Variants in MTPN observed in about 807,000 individuals in gnomAD.
MTPN encodes the protein granule cell differentiation protein.
In MTPN, 2 loss-of-function variants were observed where a neutral mutation model predicts 13.5. The observed-to-expected ratio is 0.15, with a 90% CI of 0.06 to 0.47. The LOEUF is 0.47. Ranked by LOEUF, MTPN falls within the 20% of genes least tolerant of loss-of-function variation. MTPN has a pLI of 0.97. For synonymous variants in MTPN, 46 were observed against 51.7 expected (o/e 0.89, Z 0.48); for missense variants, 79 against 137.9 (o/e 0.57, Z 2.14).
intron 1 of MTPN, among the ~76,000 whole-genome samples, chr7:135,955,425 T>C (rs140216683): frequency 1.3e-3 from 202 of 152,242 alleles, no homozygotes; most frequent in Non-Finnish European, 2.4e-3. Flanking sequence ...GTGCCAATAT[T>C]GGACAACAGA....
chr7:135,930,436 T>C (rs1377517051), intron 3 of MTPN, among the ~76,000 whole-genome samples: 6 of 152,218 alleles, frequency 3.9e-5, no homozygotes, highest in African/African-American at 1.4e-4. Flanking sequence ...GTAGAGTGCA[T>C]TCAGTATTAT....
intron 2 of MTPN, 123 bp downstream of exon 2, chr7:135,951,394 T>G (rs1471235193): frequency 9.9e-6 from 5 of 505,280 alleles, no homozygotes; most frequent in Middle Eastern, 4.8e-4. Flanking sequence ...TGGCATAATT[T>G]CAGACTGTAT....
chr7:135,953,716 A>G (rs1250827085), intron 1 of MTPN, among the ~76,000 whole-genome samples: 1 of 152,186 alleles, frequency 6.6e-6, no homozygotes, highest in Non-Finnish European at 1.5e-5. Flanking sequence ...ACTAAATTAT[A>G]GAGTGTTTCC....
At chr7:135,943,373 C>G (rs1799242386) in intron 3 of MTPN, among the ~76,000 whole-genome samples, 2 of 152,116 alleles carry the variant, frequency 1.3e-5, no homozygotes, top group South Asian at 4.1e-4. Context: ...AATTCTGCAC[C>G]ACAGACACTT....
chr7:135,947,789 AAAAG>A (rs2116369386), intron 3 of MTPN, among the ~76,000 whole-genome samples: 1 of 152,282 alleles, frequency 6.6e-6, no homozygotes, highest in Non-Finnish European at 1.5e-5. Flanking sequence ...CCTTATCCAT[AAAAG>A]AGAGATAATA....
intron 1 of MTPN, among the ~76,000 whole-genome samples, chr7:135,952,683 C>T (rs1293064348): frequency 3.3e-5 from 5 of 152,132 alleles, no homozygotes; most frequent in East Asian, 1.9e-4. Flanking sequence ...TTCTCTCAGC[C>T]GGGTGTGGTG....
intron 3 of MTPN, among the ~76,000 whole-genome samples, chr7:135,946,046 TCA>T (rs1799283579): frequency 6.6e-6 from 1 of 152,214 alleles, no homozygotes; most frequent in African/African-American, 2.4e-5. Context: ...GGTGTCTCTC[TCA>T]CAAAGTATCT....
rs1448597153 is a variant in MTPN at position 135,927,268 on chromosome 7, C to T, written c.*2658G>A. On this transcript the variant is annotated 3_prime_UTR_variant, in exon 4 of 4. Transcript: ENST00000393085. Reference sequence around the variant, plus strand: ...CCTACTACCTCTCTTCCATGCTTAACTGGGTTTAGAAAGGTGAGCTATGCG... The same window carrying T: ...CCTACTACCTCTCTTCCATGCTTAATTGGGTTTAGAAAGGTGAGCTATGCG... 1.3e-6 allele frequency: 2 copies of T among 1,537,754 alleles called. No individual in the cohort carries two copies. The highest frequency in any genetic ancestry group is 2.5e-5 in the South Asian group (2 of 81,310).
chr7:135,939,491 T>TC (rs572358894), intron 3 of MTPN, among the ~76,000 whole-genome samples: 1 of 148,906 alleles, frequency 6.7e-6, no homozygotes, highest in African/African-American at 2.5e-5. Context: ...CTTAGCTCTT[T>TC]CCCCCCTCTT....
chr7:135,936,272 G>A (rs1003743700), intron 3 of MTPN, among the ~76,000 whole-genome samples: 3 of 152,198 alleles, frequency 2.0e-5, no homozygotes, highest in Non-Finnish European at 4.4e-5. Flanking sequence ...ATCACCTGAG[G>A]TCAGGAGTTC....
At position 135,951,529 on chromosome 7, in the gene MTPN, T is replaced by C. The variant is rs748471584; in HGVS notation, c.174A>G (p.Gly58=). The change falls in exon 2 of 4, where the codon GGA becomes GGG. Residue 58 remains glycine, a synonymous_variant. Coordinates refer to ENST00000393085, the MANE Select transcript of MTPN (RefSeq NM_145808.4). ...GTCCTCTACGTACATTAATATCTGC[T>C]CCTTTCAGCAGCAGAAATTCCAGGA... ...LEILEFLLLK[G]ADINAPDKHH... 6.8e-6 allele frequency: 11 copies of C among 1,612,300 alleles called. 1 individual carries two copies. The South Asian group carries it at 1.1e-4, about 16-fold the overall frequency.
chr7:135,975,500 C>T (rs905259815), intron 1 of MTPN, among the ~76,000 whole-genome samples: 3 of 152,122 alleles, frequency 2.0e-5, no homozygotes, highest in African/African-American at 7.2e-5. Context: ...CCAGTATTCA[C>T]AAGGATGACA....
intron 3 of MTPN, among the ~76,000 whole-genome samples, chr7:135,950,131 A>G (rs1356946762): frequency 6.6e-6 from 1 of 152,218 alleles, no homozygotes; most frequent in East Asian, 1.9e-4. Flanking sequence ...TATCTCAAGC[A>G]TATCAAGAAA....
chr7:135,947,568 T>C (rs1276729634), intron 3 of MTPN, among the ~76,000 whole-genome samples: 1 of 152,278 alleles, frequency 6.6e-6, no homozygotes, highest in African/African-American at 2.4e-5. Context: ...ATTTACCAGC[T>C]TGCCAATTAA....
At chr7:135,967,974 T>G (rs1378058036) in intron 1 of MTPN, among the ~76,000 whole-genome samples, 2 of 152,160 alleles carry the variant, frequency 1.3e-5, no homozygotes, top group East Asian at 3.9e-4. Flanking sequence ...TTTTTGTGGT[T>G]GAGATGGAAG....
Position 135,944,483 on chromosome 7 carries a change from C to A in MTPN, c.270+6116G>T, listed in dbSNP as rs531196449. ...CTGAGGTCAGGAGTTTGAGACCAGC[C>A]TGGTCAACATGGCAAAACCCCCGTC... On this transcript the variant is annotated intron_variant, in intron 3 of 3. Coordinates refer to ENST00000393085, the MANE Select transcript of MTPN (RefSeq NM_145808.4). Among the ~76,000 whole-genome samples, 63 of 152,008 alleles carry A rather than the reference C, an allele frequency of 4.1e-4. No individual in the cohort carries two copies. The South Asian group carries it at 0.012, about 28-fold the overall frequency.
intron 1 of MTPN, among the ~76,000 whole-genome samples, chr7:135,963,221 T>C (rs1323539267): frequency 6.6e-6 from 1 of 152,036 alleles, no homozygotes; most frequent in African/African-American, 2.4e-5. Context: ...ACTGCAGTGT[T>C]TAATATTTAA....
intron 3 of MTPN, chr7:135,932,067 T>C (rs1486275577): frequency 2.0e-5 from 3 of 152,194 alleles, no homozygotes; most frequent in Non-Finnish European, 4.4e-5. Flanking sequence ...TGCTACCAAA[T>C]ACTAGATCAT....
At chr7:135,972,261 C>A (rs7796308) in intron 1 of MTPN, among the ~76,000 whole-genome samples, 15,771 of 90,342 alleles carry the variant, frequency 0.17, 988 homozygotes, top group East Asian at 0.32. Flanking sequence ...ACACACACAC[C>A]CCATGTAGAT....
Sources: gnomAD v4.1 joint callset for allele counts (sites outside exome capture counted in the v4.1 genomes callset) on GRCh38, gnomAD v4.1.1 for gene constraint, MANE v1.5 for transcripts, NCBI Gene and HGNC (gene_info 2026-07-23, HGNC 2026-07-21) for gene names.